The following FASTKD2 variants were observed in gnomAD, a reference collection of about 807,000 sequenced individuals.
FASTKD2 encodes FAST kinase domains 2.
FASTKD2 carries 51 observed loss-of-function variants against 63.6 expected under a neutral mutation model. The ratio of observed to expected loss-of-function variants is 0.80; its 90% CI spans 0.64 to 1.01. The LOEUF is 1.01. Among genes scored for constraint, FASTKD2 ranks in the 50% least tolerant of loss-of-function variants. The pLI is 0.00. For synonymous variants in FASTKD2, 284 were observed against 293.4 expected, an observed-to-expected ratio of 0.97 and a Z score of 0.33; for missense variants, 786 against 831.1, an observed-to-expected ratio of 0.95 and a Z score of 0.67.
chr2:206,771,162 T>C lies in FASTKD2; in HGVS notation c.882-20T>C. The C allele has an allele frequency of 7.6e-7, 1 of 1,322,376 alleles. No homozygotes were observed. The highest frequency in any genetic ancestry group is 1.1e-6 in the Non-Finnish European group (1 of 916,000). 81.9% of individuals were successfully genotyped at this position (1,322,376 alleles called of 1,614,324 possible). A position where few individuals can be genotyped will look rare whatever the true frequency, so the allele number is the denominator to read the frequency against. ...CTTTGAAGATTCTATGATTTTAATA[T>C]TTATTGTGTTTGATAACAGAATACT... On this transcript the variant is annotated intron_variant, in intron 3 of 11. Transcript: ENST00000402774.
At chr2:206,787,233 C>T (rs1256936663) in intron 8 of FASTKD2, among the ~76,000 whole-genome samples, 4 of 152,098 alleles carry the variant, frequency 2.6e-5, no homozygotes, top group Admixed American at 1.3e-4. Context: ...ATTCCTAATC[C>T]TTACTTATCA....
rs768207380 is a variant in FASTKD2 at position 206,771,996 on chromosome 2, G to A, written c.1093G>A (p.Glu365Lys). The A allele has an allele frequency of 2.5e-6, 4 of 1,613,696 alleles. No individual in the cohort carries two copies. The highest frequency in any genetic ancestry group is 3.4e-6 in the Non-Finnish European group (4 of 1,179,728). The change falls in exon 5 of 12, where the codon GAA becomes AAA. Residue 365 changes from glutamate (E) to lysine (K), a missense_variant. Coordinates refer to ENST00000402774, the MANE Select transcript of FASTKD2 (RefSeq NM_001136193.2). The stretch of plus-strand genomic sequence containing the variant: ...TCACCGATCTCTTATACTCCTGGAT[G>A]AATGCAGTAAGGTGGTCCTAGGTAA... The part of the protein sequence containing the change: ...MNHRSLILLD[E>K]CSKVVLDNIH...
In FASTKD2 at chr2:206,765,674, G is replaced by C. The variant is rs541828091; in HGVS notation, c.-124G>C. 38 of 304,664 alleles carry C rather than the reference G, an allele frequency of 1.2e-4. No homozygotes were observed. The South Asian group carries it at 4.4e-3, about 35-fold the overall frequency. 18.9% of individuals were successfully genotyped at this position (304,664 alleles called of 1,614,324 possible). On this transcript the variant is annotated 5_prime_UTR_variant, in exon 1 of 12. Coordinates refer to ENST00000402774, the MANE Select transcript of FASTKD2 (RefSeq NM_001136193.2). The stretch of plus-strand genomic sequence containing the variant: ...TCTAAGGTGAGTGGAGGACGAGCTT[G>C]GGCTTAGCGGCAGCCCGTATCACAT...
At position 206,766,981 on chromosome 2, in the gene FASTKD2, C is replaced by G. The variant is rs775348698; in HGVS notation, c.288C>G (p.Ser96Arg). ...SDVGFQTKGI[S>R]TLTALRIERL... ...TTGGCTTTCAAACAAAGGGCATAAG[C>G]ACTCTAACAGCCCTTAGAATTGAAA... The change falls in exon 2 of 12, where the codon AGC becomes AGG. Residue 96 changes from serine (S) to arginine (R), a missense_variant. Ser to Arg is a moderately radical substitution (Grantham distance 110). Transcript: ENST00000402774. 5 of 1,612,150 alleles carry G rather than the reference C, an allele frequency of 3.1e-6. No individual in the cohort carries two copies. The South Asian group carries it at 5.5e-5, about 18-fold the overall frequency.
At position 206,795,758 on chromosome 2, in the gene FASTKD2, T is replaced by G. The variant is rs1045619942; in HGVS notation, c.*3956T>G. Among the ~76,000 whole-genome samples, 1 of 152,224 alleles carries G rather than the reference T, an allele frequency of 6.6e-6. No homozygotes were observed. On this transcript the variant is annotated 3_prime_UTR_variant, in exon 12 of 12. Coordinates refer to ENST00000402774, the MANE Select transcript of FASTKD2 (RefSeq NM_001136193.2). ...TGCCAACAAACAGCCACAGAGCATT[T>G]TATTTTTCTAGAAGAGCAATAACAG...
At chr2:206,771,433 C>A in intron 4 of FASTKD2, 143 bp downstream of exon 4, 1 of 655,482 alleles carries the variant, frequency 1.5e-6, no homozygotes. Flanking sequence ...ATAGAAGTAC[C>A]CTTATATTTA....
At chr2:206,778,701 TG>T (rs1689886824) in intron 7 of FASTKD2, among the ~76,000 whole-genome samples, 1 of 151,474 alleles carries the variant, frequency 6.6e-6, no homozygotes, top group Non-Finnish European at 1.5e-5. Context: ...GGCCACGGAC[TG>T]GTACCAGTCC....
Position 206,786,868 on chromosome 2 carries a change from A to G in FASTKD2, c.1563A>G (p.Gln521=), listed in dbSNP as rs764839760. ...TGGCTCCTTTTAATCAGCTTCTGCA[A>G]AAAGACATCATCAGTGAGCTGCTGA... ...FPLAPFNQLL[Q]KDIISELLTS... is the part of the protein sequence containing the mutation. The change falls in exon 8 of 12, where the codon CAA becomes CAG. Residue 521 remains glutamine (Q), a synonymous_variant. Transcript: ENST00000402774. 12 of 1,613,816 alleles carry G rather than the reference A, an allele frequency of 7.4e-6. No individual in the cohort carries two copies. Among genetic ancestry groups the G allele is most frequent in the Non-Finnish European group, 1.0e-5 (12 of 1,179,822 alleles).
At chr2:206,789,235 T>C (rs2105988221) in intron 10 of FASTKD2, 1 of 204,292 alleles carries the variant, frequency 4.9e-6, no homozygotes, top group South Asian at 9.7e-5. Flanking sequence ...ATAGTGATCA[T>C]AAAGAATAAA....
In FASTKD2 at chr2:206,766,637, C is replaced by T. The variant is rs1689488199; in HGVS notation, c.-50-7C>T. 7.2e-7 allele frequency: 1 copy of T among 1,394,636 alleles called. No individual in the cohort carries two copies. The allele number at this position is 1,394,636 out of a possible 1,614,324, so 86.4% of individuals were successfully genotyped here. Reference sequence around the variant, plus strand: ...TTTTATTCTTTTCATTACTTCTTCCCCTACAGGAAAACGACAGCACGTGTT... The same window carrying T: ...TTTTATTCTTTTCATTACTTCTTCCTCTACAGGAAAACGACAGCACGTGTT... On this transcript the variant is annotated splice_polypyrimidine_tract_variant and splice_region_variant and intron_variant, in intron 1 of 11. Transcript: ENST00000402774.
intron 7 of FASTKD2, among the ~76,000 whole-genome samples, chr2:206,775,996 C>G (rs553994872): frequency 6.6e-6 from 1 of 151,832 alleles, no homozygotes; most frequent in East Asian, 1.9e-4. Context: ...TGATGTTGAC[C>G]ATGTTTTCAC....
Position 206,787,976 on chromosome 2 carries a change from C to T in FASTKD2, c.1634C>T (p.Thr545Ile), listed in dbSNP as rs763792660. Residue 545 changes from threonine to isoleucine, a missense_variant, in exon 9 of 12, where the codon ACT becomes ATT. Thr to Ile is a moderately conservative substitution (Grantham distance 89, BLOSUM62 -1). Transcript: ENST00000402774. ...GCTTACAAGCTGCATACTTTGGATA[C>T]TTGTCTAAAACTTGATGATACTGTC... ...KNAYKLHTLD[T>I]CLKLDDTVYL... 5.0e-6 allele frequency: 8 copies of T among 1,613,018 alleles called. No individual in the cohort carries two copies. In the East Asian group the frequency reaches 1.6e-4, roughly 31 times the overall value.
chr2:206,771,042 C>T (rs1289690502), intron 3 of FASTKD2, 140 bp from the exon 4 acceptor site: 2 of 633,056 alleles, frequency 3.2e-6, no homozygotes, highest in Non-Finnish European at 5.6e-6. Flanking sequence ...TAACTACTTA[C>T]ACTCTCTCAA....
At position 206,786,748 on chromosome 2, in the gene FASTKD2, T is replaced by G; in HGVS notation, c.1443T>G (p.Val481=). The change falls in exon 8 of 12, where the codon GTT becomes GTG. Residue 481 remains valine, a synonymous_variant. Transcript: ENST00000402774. Reference sequence around the variant, plus strand: ...TGTTCCCCAGACAGTTCGTGGAAGTTATGGCTAGTGCTCTGACTGGTTATC... The same window carrying G: ...TGTTCCCCAGACAGTTCGTGGAAGTGATGGCTAGTGCTCTGACTGGTTATC... ...KCQNKEQFVE[V]MASALTGYLH... 6.2e-7 allele frequency: 1 copy of G among 1,613,966 alleles called. No homozygotes were observed. Among genetic ancestry groups the G allele is most frequent in the Non-Finnish European group, 8.5e-7 (1 of 1,179,836 alleles).
rs972097113 is a variant in FASTKD2, at chr2:206,794,473, T to C, written c.*2671T>C. ...CCAGGCTAGCTTCAAACTCCTGGGCTCAAGGGATCCTCCTGCCTCAGCTTC... is the reference window on the plus strand; with the variant it reads ...CCAGGCTAGCTTCAAACTCCTGGGCCCAAGGGATCCTCCTGCCTCAGCTTC... On this transcript the variant is annotated 3_prime_UTR_variant, in exon 12 of 12. Coordinates refer to ENST00000402774, the MANE Select transcript of FASTKD2 (RefSeq NM_001136193.2). 1.7e-4 allele frequency among the ~76,000 whole-genome samples: 26 copies of C among 152,294 alleles called. No individual in the cohort carries two copies. The highest frequency in any genetic ancestry group is 1.3e-3 in the Admixed American group (20 of 15,300).
At chr2:206,788,499 C>T (rs1429314346) in intron 9 of FASTKD2, among the ~76,000 whole-genome samples, 1 of 151,660 alleles carries the variant, frequency 6.6e-6, no homozygotes, top group Non-Finnish European at 1.5e-5. Context: ...GTGGAGAGGC[C>T]GAGGCAGGTG....
intron 2 of FASTKD2, among the ~76,000 whole-genome samples, chr2:206,769,727 T>G (rs556775739): frequency 6.6e-6 from 1 of 152,350 alleles, no homozygotes; most frequent in Admixed American, 6.5e-5. Context: ...GTTCTTATAT[T>G]CCTGCACTTT....
At chr2:206,790,373 A>G in intron 10 of FASTKD2, 199 bp from the exon 11 acceptor site, 1 of 536,820 alleles carries the variant, frequency 1.9e-6, no homozygotes, top group South Asian at 2.0e-5. Context: ...ATAATGTTGT[A>G]TATTTTTGAT....
chr2:206,787,877 T>C (rs1690176758), intron 8 of FASTKD2, 60 bp from the exon 9 acceptor site: 3 of 849,614 alleles, frequency 3.5e-6, no homozygotes, highest in Non-Finnish European at 5.9e-6. Flanking sequence ...TATACTAATA[T>C]AGTTTTTTAA....
Sources: gnomAD v4.1 joint callset for allele counts (sites outside exome capture counted in the v4.1 genomes callset) on GRCh38, gnomAD v4.1.1 for gene constraint, MANE v1.5 for transcripts, NCBI Gene and HGNC (gene_info 2026-07-23, HGNC 2026-07-21) for gene names.